The following PTPRM variants were observed in gnomAD, a reference collection of about 807,000 sequenced individuals.
The protein encoded by PTPRM is protein tyrosine phosphatase receptor type M.
A neutral mutation model predicts 186.7 loss-of-function variants in PTPRM; 47 were observed. That is an observed-to-expected ratio of 0.25 (90% CI 0.20 to 0.32). The LOEUF (loss-of-function observed/expected upper bound fraction) is 0.32. Ranked by LOEUF, PTPRM falls within the 10% of genes least tolerant of loss-of-function variation. The probability of loss-of-function intolerance (pLI) is 1.00; values close to 1 mark genes in which losing one functional copy is unlikely to be tolerated. For missense variants in PTPRM, 1,494 were observed against 1,865.0 expected (o/e 0.80, Z 3.66); for synonymous variants, 668 against 674.9 (o/e 0.99, Z 0.16).
At chr18:8,307,733 G>T (rs919752442) in intron 20 of PTPRM, among the ~76,000 whole-genome samples, 1 of 152,018 alleles carries the variant, frequency 6.6e-6, no homozygotes, top group Non-Finnish European at 1.5e-5. Flanking sequence ...GAACCCAGGA[G>T]GCAGAGCTTT....
chr18:8,090,247 A>G (rs1321358446), intron 11 of PTPRM, among the ~76,000 whole-genome samples: 1 of 152,160 alleles, frequency 6.6e-6, no homozygotes, highest in Non-Finnish European at 1.5e-5. Context: ...GCTGAAATTT[A>G]TTAAATGAAA....
chr18:7,981,207 C>T (rs1254114236), intron 7 of PTPRM, among the ~76,000 whole-genome samples: 2 of 152,150 alleles, frequency 1.3e-5, no homozygotes, highest in African/African-American at 4.8e-5. Context: ...TAAATATCCC[C>T]TCCTCAGGGA....
chr18:7,662,115 TTG>T (rs1467240726), intron 1 of PTPRM, among the ~76,000 whole-genome samples: 1 of 144,272 alleles, frequency 6.9e-6, no homozygotes, highest in Non-Finnish European at 1.5e-5. Context: ...TTTGTATTTT[TTG>T]TAGAGATGAG....
intron 14 of PTPRM, chr18:8,155,116 A>G (rs1035333232): frequency 6.2e-5 from 9 of 144,368 alleles, no homozygotes; most frequent in Non-Finnish European, 1.4e-4. Context: ...TGAATAGGAC[A>G]TATTTTTTTT....
intron 16 of PTPRM, 92 bp downstream of exon 16, chr18:8,248,011 C>T: frequency 7.3e-7 from 1 of 1,366,270 alleles, no homozygotes; most frequent in Admixed American, 1.7e-5. Context: ...GCTTGAGGGG[C>T]TTACTGTGTT....
At chr18:7,575,257 C>T (rs1240261578) in intron 1 of PTPRM, among the ~76,000 whole-genome samples, 2 of 152,180 alleles carry the variant, frequency 1.3e-5, no homozygotes. Context: ...AAGAGTGCTT[C>T]CCTGCTGCCG....
intron 14 of PTPRM, among the ~76,000 whole-genome samples, chr18:8,159,266 T>C (rs1464331825): frequency 1.3e-5 from 2 of 152,202 alleles, no homozygotes. Context: ...TTTTGCCTGG[T>C]ATCCTTACAG....
intron 1 of PTPRM, among the ~76,000 whole-genome samples, chr18:7,678,627 T>G (rs2039405512): frequency 6.6e-6 from 1 of 152,174 alleles, no homozygotes; most frequent in Non-Finnish European, 1.5e-5. Flanking sequence ...TACATACATA[T>G]GAAGTCCACC....
intron 5 of PTPRM, among the ~76,000 whole-genome samples, chr18:7,942,652 G>A (rs114941406): frequency 0.012 from 1,882 of 152,010 alleles, 27 homozygotes; most frequent in African/African-American, 0.043. Flanking sequence ...GTGGGGGGGC[G>A]GGGAGGGAAT....
chr18:8,087,128 A>G (rs968128920), intron 10 of PTPRM, among the ~76,000 whole-genome samples: 1 of 152,126 alleles, frequency 6.6e-6, no homozygotes, highest in African/African-American at 2.4e-5. Context: ...TCCTACATAC[A>G]AATTAAGATA....
At chr18:8,333,734 T>C (rs1233316106) in intron 22 of PTPRM, among the ~76,000 whole-genome samples, 2 of 152,176 alleles carry the variant, frequency 1.3e-5, no homozygotes, top group Non-Finnish European at 1.5e-5. Flanking sequence ...GCCATCTTCA[T>C]TGCTGATGGA....
In PTPRM at chr18:8,285,718, G is replaced by A. The variant is rs549722476; in HGVS notation, c.2755-10650G>A. Among the ~76,000 whole-genome samples, 55 of 152,248 alleles carry A rather than the reference G, an allele frequency of 3.6e-4. 1 individual carries two copies. In the South Asian group the frequency reaches 8.9e-3, roughly 25 times the overall value. ...GAAAGAGTTCTTGGCTTGGCTGGGC[G>A]TGGTGGCTCACGACTGTAATCCCAA... On this transcript the variant is annotated intron_variant, in intron 19 of 32. Coordinates refer to ENST00000580170, the MANE Select transcript of PTPRM (RefSeq NM_001105244.2).
intron 19 of PTPRM, among the ~76,000 whole-genome samples, chr18:8,256,572 G>T (rs1044691354): frequency 6.6e-6 from 1 of 152,192 alleles, no homozygotes; most frequent in African/African-American, 2.4e-5. Flanking sequence ...TTATACTGAG[G>T]TTTCAGTAAA....
At position 7,826,250 on chromosome 18, in the gene PTPRM, C is replaced by T. The variant is rs2045479268; in HGVS notation, c.196+51979C>T. ...ATCTCCATATGTGAGATTTATATTT[C>T]ATAAAACTTATATATGATGAAGTAT... On this transcript the variant is annotated intron_variant, in intron 2 of 32. Transcript: ENST00000580170. Among the ~76,000 whole-genome samples, 3 of 152,216 alleles carry T rather than the reference C, an allele frequency of 2.0e-5. No individual in the cohort carries two copies. The South Asian group carries it at 6.2e-4, about 31-fold the overall frequency.
At chr18:7,762,588 G>A (rs1555670238) in intron 1 of PTPRM, among the ~76,000 whole-genome samples, 1 of 152,180 alleles carries the variant, frequency 6.6e-6, no homozygotes, top group Non-Finnish European at 1.5e-5. Flanking sequence ...AGTAGGGAGA[G>A]AGCATTTTCA....
chr18:7,597,372 G>A (rs1478586452), intron 1 of PTPRM, among the ~76,000 whole-genome samples: 2 of 152,158 alleles, frequency 1.3e-5, no homozygotes, highest in Non-Finnish European at 2.9e-5. Context: ...AGACTTGGAT[G>A]CTAATCGTTT....
intron 5 of PTPRM, among the ~76,000 whole-genome samples, chr18:7,937,043 C>T (rs556657074): frequency 1.1e-4 from 16 of 152,298 alleles, no homozygotes; most frequent in African/African-American, 3.1e-4. Flanking sequence ...GTTTCCTTTG[C>T]GCTATTCTGT....
intron 7 of PTPRM, among the ~76,000 whole-genome samples, chr18:7,989,806 A>G (rs1030780987): frequency 2.6e-5 from 4 of 151,668 alleles, no homozygotes; most frequent in African/African-American, 9.7e-5. Context: ...TCCTCACTTC[A>G]CCTCTCACGG....
chr18:8,013,164 T>C (rs1341842885), intron 7 of PTPRM, among the ~76,000 whole-genome samples: 5 of 152,146 alleles, frequency 3.3e-5, no homozygotes, highest in Admixed American at 1.3e-4. Context: ...CAAAAAGCAG[T>C]ATGAAAATAG....
Sources: gnomAD v4.1 joint callset for allele counts (sites outside exome capture counted in the v4.1 genomes callset) on GRCh38, gnomAD v4.1.1 for gene constraint, MANE v1.5 for transcripts, NCBI Gene and HGNC (gene_info 2026-07-23, HGNC 2026-07-21) for gene names.